Variants in KAZN observed in about 807,000 individuals in gnomAD.
KAZN encodes the protein kazrin, periplakin interacting protein.
In KAZN, 40 loss-of-function variants were observed where a neutral mutation model predicts 87.4. That is an observed-to-expected ratio of 0.46 (90% CI 0.36 to 0.60). KAZN has a LOEUF of 0.60. KAZN is among the 20% of genes least tolerant of loss of function. KAZN has a pLI of 0.00. For missense variants in KAZN, 898 were observed against 1,073.9 expected (o/e 0.84, Z 2.29); for synonymous variants, 466 against 458.3 (o/e 1.02, Z -0.22).
rs547245290 is a variant in KAZN, at chr1:14,145,468, C to A, written c.92-34967C>A. On this transcript the variant is annotated intron_variant, in intron 1 of 16. Coordinates refer to the KAZN transcript ENST00000636203. Reference sequence around the variant, plus strand: ...CTGAAAAAAAGACACACACACACACCCACACCCCCACACACACTATTCTTT... The same window carrying A: ...CTGAAAAAAAGACACACACACACACACACACCCCCACACACACTATTCTTT... Among the ~76,000 whole-genome samples, 7 of 151,944 alleles carry A rather than the reference C, an allele frequency of 4.6e-5. No individual in the cohort carries two copies. In the South Asian group the frequency reaches 1.0e-3, roughly 23 times the overall value.
intron 1 of KAZN, among the ~76,000 whole-genome samples, chr1:14,816,515 C>T (rs1646568683): frequency 6.6e-6 from 1 of 152,162 alleles, no homozygotes; most frequent in Admixed American, 6.5e-5. Context: ...GCCCTCAGGG[C>T]TTCCTCAACA....
At chr1:14,190,820 C>A (rs1646406546) in intron 2 of KAZN, among the ~76,000 whole-genome samples, 2 of 152,104 alleles carry the variant, frequency 1.3e-5, no homozygotes. Context: ...CAGATTTCAG[C>A]TGGGCTCATC....
chr1:14,407,769 T>TA (rs535409692), intron 2 of KAZN, among the ~76,000 whole-genome samples: 1 of 152,102 alleles, frequency 6.6e-6, no homozygotes, highest in Non-Finnish European at 1.5e-5. Flanking sequence ...TCTTTTTTTT[T>TA]AAAAAGACAA....
intron 2 of KAZN, among the ~76,000 whole-genome samples, chr1:14,299,785 C>A (rs1378372548): frequency 2.6e-5 from 4 of 152,216 alleles, no homozygotes; most frequent in Non-Finnish European, 5.9e-5. Flanking sequence ...TTTAAAGCTT[C>A]TGCTCACATC....
intron 2 of KAZN, among the ~76,000 whole-genome samples, chr1:14,416,739 A>AT (rs1664795736): frequency 1.3e-5 from 2 of 151,996 alleles, no homozygotes; most frequent in African/African-American, 4.8e-5. Context: ...TCTGTCTCAA[A>AT]GAAAAAAAAA....
At chr1:14,267,482 T>G (rs2100671190) in intron 2 of KAZN, among the ~76,000 whole-genome samples, 1 of 151,994 alleles carries the variant, frequency 6.6e-6, no homozygotes, top group African/African-American at 2.4e-5. Flanking sequence ...ATTGGACAAG[T>G]TTGACTTAAA....
intron 2 of KAZN, among the ~76,000 whole-genome samples, chr1:14,487,435 TCC>T (rs774336968): frequency 6.6e-6 from 1 of 152,170 alleles, no homozygotes; most frequent in African/African-American, 2.4e-5. Context: ...TCCTTTCTCA[TCC>T]CCAGCCTCAC....
At chr1:14,019,099 G>C (rs1011975094) in intron 1 of KAZN, among the ~76,000 whole-genome samples, 1 of 152,108 alleles carries the variant, frequency 6.6e-6, no homozygotes. Context: ...AATTAGTACT[G>C]ACCAACAAAA....
chr1:14,403,962 C>T (rs138389646), intron 2 of KAZN, among the ~76,000 whole-genome samples: 87 of 152,088 alleles, frequency 5.7e-4, no homozygotes, highest in African/African-American at 2.0e-3. Context: ...AATGGGTTGC[C>T]GCTTCTGCAG....
chr1:14,438,273 A>G (rs1336183756), intron 2 of KAZN, among the ~76,000 whole-genome samples: 3 of 152,174 alleles, frequency 2.0e-5, no homozygotes, highest in Non-Finnish European at 2.9e-5. Flanking sequence ...GCTGTTCCCA[A>G]TGCTGGGGAT....
intron 2 of KAZN, among the ~76,000 whole-genome samples, chr1:14,214,281 G>A (rs900331059): frequency 6.6e-6 from 1 of 152,074 alleles, no homozygotes; most frequent in Non-Finnish European, 1.5e-5. Context: ...TCACATACAT[G>A]AATTTGCTTA....
chr1:14,420,474 C>T (rs887504553), intron 2 of KAZN, among the ~76,000 whole-genome samples: 3 of 152,200 alleles, frequency 2.0e-5, no homozygotes, highest in East Asian at 1.9e-4. Flanking sequence ...CCGCAAGTCC[C>T]GCACCATGCA....
At chr1:15,053,367 T>C (rs1674620482) in intron 4 of KAZN, among the ~76,000 whole-genome samples, 2 of 152,296 alleles carry the variant, frequency 1.3e-5, no homozygotes, top group South Asian at 4.1e-4. Flanking sequence ...GCTTCACTCC[T>C]TCCTTAAACA....
chr1:15,030,826 C>G (rs963190767), intron 2 of KAZN, among the ~76,000 whole-genome samples: 2 of 152,212 alleles, frequency 1.3e-5, no homozygotes, highest in South Asian at 4.1e-4. Flanking sequence ...CTCAGCCAAG[C>G]CAGGCAGGAG....
intron 1 of KAZN, among the ~76,000 whole-genome samples, chr1:14,167,542 G>C (rs1030918508): frequency 6.6e-6 from 1 of 152,084 alleles, no homozygotes; most frequent in Non-Finnish European, 1.5e-5. Context: ...GGCCAACATG[G>C]GGAAACCCCA....
chr1:14,648,726 G>A (rs1404218832), intron 1 of KAZN, among the ~76,000 whole-genome samples: 2 of 152,200 alleles, frequency 1.3e-5, no homozygotes, highest in Non-Finnish European at 2.9e-5. Flanking sequence ...ACTTAAAGGA[G>A]TTAGAGATTG....
At chr1:14,242,882 T>G (rs1192327492) in intron 2 of KAZN, among the ~76,000 whole-genome samples, 2 of 152,004 alleles carry the variant, frequency 1.3e-5, no homozygotes, top group African/African-American at 4.8e-5. Flanking sequence ...TCAAAACGAA[T>G]ACAACAAAAA....
rs71570202 is a variant in KAZN, at chr1:14,354,645, G to GACACACACACACAC, written c.249+174083_249+174096dup. On this transcript the variant is annotated intron_variant, in intron 2 of 16. Coordinates refer to the KAZN transcript ENST00000636203. The stretch of plus-strand genomic sequence containing the variant: ...TGCATCTATTAGAATAGCTAAATTA[G>GACACACACACACAC]ACACACACACACACACACACACACA... Among the ~76,000 whole-genome samples the GACACACACACACAC allele has an allele frequency of 1.1e-3, 152 of 141,454 alleles. 1 individual carries two copies. The highest frequency in any genetic ancestry group is 2.6e-3 in the African/African-American group (101 of 38,346). 92.8% of individuals were successfully genotyped at this position (141,454 alleles called of 152,430 possible).
At chr1:14,828,344 A>AT (rs1460254254) in intron 1 of KAZN, among the ~76,000 whole-genome samples, 4 of 152,254 alleles carry the variant, frequency 2.6e-5, no homozygotes, top group African/African-American at 9.6e-5. Context: ...TTTTCGTCCT[A>AT]TTTTATTTGA....
Sources: gnomAD v4.1 joint callset for allele counts (sites outside exome capture counted in the v4.1 genomes callset) on GRCh38, gnomAD v4.1.1 for gene constraint, MANE v1.5 for transcripts, NCBI Gene and HGNC (gene_info 2026-07-23, HGNC 2026-07-21) for gene names.